ST8SIA2: variants seen among roughly 807,000 people sequenced by gnomAD.
The protein encoded by ST8SIA2 is ST8 alpha-N-acetyl-neuraminide alpha-2,8-sialyltransferase 2.
In ST8SIA2, 22 loss-of-function variants were observed where a neutral mutation model predicts 37.6. That is an observed-to-expected ratio of 0.58 (90% CI 0.42 to 0.83). The LOEUF (loss-of-function observed/expected upper bound fraction) is 0.83, where lower values mean the gene tolerates loss of function less well. ST8SIA2 is among the 40% of genes least tolerant of loss of function. The pLI is 0.00. For synonymous variants in ST8SIA2, 205 were observed against 201.2 expected (o/e 1.02, Z -0.16); for missense variants, 382 against 484.7 (o/e 0.79, Z 1.99).
chr15:92,400,157 G>A (rs2049459904), intron 1 of ST8SIA2, among the ~76,000 whole-genome samples: 5 of 152,082 alleles, frequency 3.3e-5, no homozygotes, highest in Admixed American at 3.3e-4. Flanking sequence ...TCACTGCTCT[G>A]TCTTCTTCCA....
intron 2 of ST8SIA2, among the ~76,000 whole-genome samples, chr15:92,431,276 G>A (rs2049713848): frequency 6.6e-6 from 1 of 152,108 alleles, no homozygotes; most frequent in South Asian, 2.1e-4. Flanking sequence ...ATGAGAAGTG[G>A]AAAAAAACAG....
chr15:92,430,527 A>T (rs2049707865), intron 2 of ST8SIA2, among the ~76,000 whole-genome samples: 1 of 152,198 alleles, frequency 6.6e-6, no homozygotes, highest in Non-Finnish European at 1.5e-5. Flanking sequence ...CTTTGCTGAG[A>T]CCTCTTAAAA....
intron 1 of ST8SIA2, among the ~76,000 whole-genome samples, chr15:92,426,660 T>G (rs1434882381): frequency 6.6e-6 from 1 of 152,180 alleles, no homozygotes; most frequent in African/African-American, 2.4e-5. Flanking sequence ...GGGGAGGTAT[T>G]GGGCAAAGTG....
chr15:92,456,850 TG>T (rs2049923142), intron 5 of ST8SIA2, among the ~76,000 whole-genome samples: 1 of 152,208 alleles, frequency 6.6e-6, no homozygotes, highest in African/African-American at 2.4e-5. Flanking sequence ...GAGGCTAGCC[TG>T]GCTTACTTGA....
intron 1 of ST8SIA2, among the ~76,000 whole-genome samples, chr15:92,407,690 C>T (rs528361144): frequency 6.6e-6 from 1 of 152,298 alleles, no homozygotes; most frequent in East Asian, 1.9e-4. Context: ...TGATGGAAGG[C>T]AAGTCTAGGG....
chr15:92,441,506 G>A (rs1241596414), intron 4 of ST8SIA2, among the ~76,000 whole-genome samples: 1 of 152,032 alleles, frequency 6.6e-6, no homozygotes, highest in Non-Finnish European at 1.5e-5. Flanking sequence ...TGAGGACACT[G>A]TGTCTATCTG....
intron 5 of ST8SIA2, among the ~76,000 whole-genome samples, chr15:92,458,050 C>G (rs1415542279): frequency 6.6e-6 from 1 of 152,176 alleles, no homozygotes; most frequent in Non-Finnish European, 1.5e-5. Flanking sequence ...CCATTTGAGT[C>G]AAATGTTTGC....
At chr15:92,453,571 T>C (rs973590824) in intron 5 of ST8SIA2, among the ~76,000 whole-genome samples, 1 of 152,226 alleles carries the variant, frequency 6.6e-6, no homozygotes, top group Non-Finnish European at 1.5e-5. Context: ...GTCACAGCAA[T>C]GAATGGATAG....
At chr15:92,416,792 G>GA (rs983598141) in intron 1 of ST8SIA2, among the ~76,000 whole-genome samples, 7 of 151,216 alleles carry the variant, frequency 4.6e-5, no homozygotes, top group Middle Eastern at 3.4e-3. Context: ...TTGTGCTGAA[G>GA]AAAAAAAAAT....
At chr15:92,395,429 A>G (rs2049423804) in intron 1 of ST8SIA2, among the ~76,000 whole-genome samples, 1 of 152,170 alleles carries the variant, frequency 6.6e-6, no homozygotes, top group African/African-American at 2.4e-5. Flanking sequence ...AAAACTTGTG[A>G]CAAGTGCCGC....
At chr15:92,448,202 CAGG>C (rs1869509840) in intron 5 of ST8SIA2, among the ~76,000 whole-genome samples, 7 of 152,194 alleles carry the variant, frequency 4.6e-5, no homozygotes, top group Admixed American at 4.6e-4. Context: ...GGAAATACTG[CAGG>C]AGATTAGCCT....
At chr15:92,457,155 C>T (rs1336018703) in intron 5 of ST8SIA2, among the ~76,000 whole-genome samples, 9 of 152,206 alleles carry the variant, frequency 5.9e-5, no homozygotes, top group African/African-American at 2.2e-4. Flanking sequence ...CCCAGCTTTG[C>T]TGCTGATCGT....
chr15:92,464,189 A>G lies in ST8SIA2; in HGVS notation c.932A>G (p.Tyr311Cys). 2 of 1,608,302 alleles carry G rather than the reference A, an allele frequency of 1.2e-6. No individual in the cohort carries two copies. Among genetic ancestry groups the G allele is most frequent in the Non-Finnish European group, 1.7e-6 (2 of 1,179,322 alleles). Residue 311 changes from tyrosine (Y) to cysteine (C), a missense_variant, in exon 6 of 6, where the codon TAC becomes TGC. Tyr to Cys is a radical substitution (Grantham distance 194). Coordinates refer to ENST00000268164, the MANE Select transcript of ST8SIA2 (RefSeq NM_006011.4). ...GCCACACGTTTCTGCAAACAAATCT[A>G]CCTCTACGGCTTCTGGCCCTTTCCG... is the stretch of plus-strand genomic sequence containing the variant. The part of the protein sequence containing the change: ...TLATRFCKQI[Y>C]LYGFWPFPLD...
In ST8SIA2 at chr15:92,464,358, T is replaced by C. The variant is rs2049978175; in HGVS notation, c.1101T>C (p.Thr367=). 1.2e-6 allele frequency: 2 copies of C among 1,613,942 alleles called. No individual in the cohort carries two copies. The highest frequency in any genetic ancestry group is 4.5e-5 in the East Asian group (2 of 44,862). ...ATGAGCAGGGGGCTTTGAAACTGAC[T>C]GTCGGCCAGTGCGATGGGGCCACGT... ...SLHEQGALKL[T]VGQCDGAT The change falls in exon 6 of 6, where the codon ACT becomes ACC. Residue 367 remains threonine (T), a synonymous_variant. Transcript: ENST00000268164.
chr15:92,437,976 G>A (rs766879012), intron 3 of ST8SIA2, among the ~76,000 whole-genome samples: 7 of 152,184 alleles, frequency 4.6e-5, no homozygotes, highest in Non-Finnish European at 8.8e-5. Context: ...GGGCTTTCAG[G>A]GACATGGGGC....
intron 5 of ST8SIA2, among the ~76,000 whole-genome samples, chr15:92,453,762 C>G (rs1233591563): frequency 3.9e-5 from 6 of 152,176 alleles, no homozygotes; most frequent in Non-Finnish European, 8.8e-5. Context: ...GTTTTATTTA[C>G]TCAGCAAATA....
intron 4 of ST8SIA2, among the ~76,000 whole-genome samples, chr15:92,439,522 C>A (rs1027941703): frequency 6.6e-6 from 1 of 152,290 alleles, no homozygotes; most frequent in Admixed American, 6.5e-5. Context: ...GAACCGCAAA[C>A]GTTCTCATAT....
chr15:92,454,128 G>A (rs1440299471), intron 5 of ST8SIA2, among the ~76,000 whole-genome samples: 1 of 152,162 alleles, frequency 6.6e-6, no homozygotes, highest in African/African-American at 2.4e-5. Context: ...CACAGACTGG[G>A]TGGCTTAACC....
chr15:92,415,024 G>A (rs963012779), intron 1 of ST8SIA2, among the ~76,000 whole-genome samples: 2 of 152,204 alleles, frequency 1.3e-5, no homozygotes, highest in Non-Finnish European at 2.9e-5. Flanking sequence ...GCATGGCTGG[G>A]AAAAGTGGGG....
Sources: gnomAD v4.1 joint callset for allele counts (sites outside exome capture counted in the v4.1 genomes callset) on GRCh38, gnomAD v4.1.1 for gene constraint, MANE v1.5 for transcripts, NCBI Gene and HGNC (gene_info 2026-07-23, HGNC 2026-07-21) for gene names.